Variants in CD247 observed in about 807,000 individuals in gnomAD.
The protein encoded by CD247 is T-cell surface glycoprotein CD3 zeta chain.
A neutral mutation model predicts 30.0 loss-of-function variants in CD247; 13 were observed. That is an observed-to-expected ratio of 0.43 (90% CI 0.28 to 0.69). The LOEUF (loss-of-function observed/expected upper bound fraction) is 0.69. Among genes scored for constraint, CD247 ranks in the 30% least tolerant of loss-of-function variants. The probability of loss-of-function intolerance (pLI) is 0.16; values close to 1 mark genes in which losing one functional copy is unlikely to be tolerated. For missense variants in CD247, 193 were observed against 212.6 expected, an observed-to-expected ratio of 0.91 and a Z score of 0.57; for synonymous variants, 72 against 80.0, an observed-to-expected ratio of 0.90 and a Z score of 0.53.
Position 167,431,602 on chromosome 1 carries a change from G to A in CD247, c.*79C>T. On this transcript the variant is annotated 3_prime_UTR_variant, in exon 8 of 8. Transcript: ENST00000362089. ...TTCAGTGGCTGAGAAGAGTGAACCGGGTTGTAAATGCTTCATCCTGTGTCT... is the reference window on the plus strand; with the variant it reads ...TTCAGTGGCTGAGAAGAGTGAACCGAGTTGTAAATGCTTCATCCTGTGTCT... 8.6e-7 allele frequency: 1 copy of A among 1,158,314 alleles called. No homozygotes were observed. The highest frequency in any genetic ancestry group is 1.3e-6 in the Non-Finnish European group (1 of 763,518). The allele number at this position is 1,158,314 out of a possible 1,614,324, so 71.8% of individuals were successfully genotyped here.
chr1:167,483,482 G>T (rs1208465264), intron 1 of CD247, among the ~76,000 whole-genome samples: 1 of 152,070 alleles, frequency 6.6e-6, no homozygotes, highest in Non-Finnish European at 1.5e-5. Flanking sequence ...ATTCATGCTA[G>T]TTTTTCCCAC....
At chr1:167,500,104 T>A (rs934290545) in intron 1 of CD247, among the ~76,000 whole-genome samples, 1 of 152,188 alleles carries the variant, frequency 6.6e-6, no homozygotes, top group Admixed American at 6.5e-5. Context: ...GGAGAAATAT[T>A]CTCTATATCT....
intron 1 of CD247, among the ~76,000 whole-genome samples, chr1:167,453,893 G>A (rs1652496136): frequency 6.6e-6 from 1 of 152,186 alleles, no homozygotes. Flanking sequence ...GAGCCCAAGA[G>A]GTGGAGGCTG....
At chr1:167,493,037 CTTTTTTT>C (rs60850667) in intron 1 of CD247, among the ~76,000 whole-genome samples, 3 of 80,366 alleles carry the variant, frequency 3.7e-5, no homozygotes, top group African/African-American at 5.2e-5. Flanking sequence ...AATTTTTCTC[CTTTTTTT>C]TTTTTTTTTT....
chr1:167,471,908 C>T (rs1423168449), intron 1 of CD247, among the ~76,000 whole-genome samples: 1 of 146,598 alleles, frequency 6.8e-6, no homozygotes, highest in Non-Finnish European at 1.5e-5. Context: ...TCTCGGCTCA[C>T]TGCAACTTCT....
intron 3 of CD247, among the ~76,000 whole-genome samples, chr1:167,439,082 C>T (rs1202296183): frequency 6.6e-6 from 1 of 152,144 alleles, no homozygotes; most frequent in African/African-American, 2.4e-5. Context: ...CTTGGGGGCT[C>T]ACTAGTGGCA....
rs142304874 is a variant in CD247, at chr1:167,443,857, G to A, written c.59-3090C>T. Among the ~76,000 whole-genome samples, 12 of 152,258 alleles carry A rather than the reference G, an allele frequency of 7.9e-5. No individual in the cohort carries two copies. The South Asian group carries it at 8.3e-4, about 11-fold the overall frequency. ...CCCTGTGTAGGACCCTCCTCTCCTCGGTCCCACTATACCTGTGCTGGGAGA... is the reference window on the plus strand; with the variant it reads ...CCCTGTGTAGGACCCTCCTCTCCTCAGTCCCACTATACCTGTGCTGGGAGA... On this transcript the variant is annotated intron_variant, in intron 1 of 7. Transcript: ENST00000362089.
chr1:167,495,215 C>T (rs541328149), intron 1 of CD247, among the ~76,000 whole-genome samples: 6 of 152,242 alleles, frequency 3.9e-5, no homozygotes, highest in African/African-American at 1.2e-4. Context: ...ATGTGGTCTA[C>T]GATATGTTAC....
intron 4 of CD247, among the ~76,000 whole-genome samples, chr1:167,436,792 G>C (rs1651561888): frequency 6.6e-6 from 1 of 152,120 alleles, no homozygotes; most frequent in Non-Finnish European, 1.5e-5. Context: ...CCTCACACTT[G>C]TTAGGGTGCG....
At chr1:167,458,949 C>A (rs1255506021) in intron 1 of CD247, among the ~76,000 whole-genome samples, 6 of 150,854 alleles carry the variant, frequency 4.0e-5, no homozygotes, top group African/African-American at 1.5e-4. Context: ...ATGGTGAAAC[C>A]CCGTCTCTAC....
chr1:167,440,966 C>T lies in CD247; in HGVS notation c.59-199G>A, dbSNP rs74121912. Among the ~76,000 whole-genome samples, 2,641 of 152,264 alleles carry T rather than the reference C, an allele frequency of 0.017. 78 individuals are homozygous for T. Among genetic ancestry groups the T allele is most frequent in the African/African-American group, 0.06 (2,508 of 41,544 alleles). The stretch of plus-strand genomic sequence containing the variant: ...CTCCTGGAAAACCTATTGGCACCAA[C>T]GGCAGATGTGGCCGCTGTGGGGCCA... On this transcript the variant is annotated intron_variant, in intron 1 of 7. Transcript: ENST00000362089.
intron 1 of CD247, among the ~76,000 whole-genome samples, chr1:167,499,350 C>T (rs1445389931): frequency 6.6e-6 from 1 of 152,162 alleles, no homozygotes. Context: ...TCCAAGCATT[C>T]GATCAAGAGG....
chr1:167,434,037 T>A lies in CD247; in HGVS notation c.376A>T (p.Ile126Phe). The part of the protein sequence containing the change: ...KDKMAEAYSE[I>F]GMKGERRRGK... Reference sequence around the variant, plus strand: ...ACACTCACCTCGCCTTTCATCCCAATCTCACTGTAGGCCTCCGCCATCTTA... The same window carrying A: ...ACACTCACCTCGCCTTTCATCCCAAACTCACTGTAGGCCTCCGCCATCTTA... The change falls in exon 6 of 8, where the codon ATT becomes TTT. Residue 126 changes from isoleucine to phenylalanine, a missense_variant. Coordinates refer to ENST00000362089, the MANE Select transcript of CD247 (RefSeq NM_198053.3). 1 of 1,614,102 alleles carries A rather than the reference T, an allele frequency of 6.2e-7. No individual in the cohort carries two copies. The highest frequency in any genetic ancestry group is 8.5e-7 in the Non-Finnish European group (1 of 1,179,938).
At chr1:167,481,774 G>C (rs931353723) in intron 1 of CD247, among the ~76,000 whole-genome samples, 1 of 152,136 alleles carries the variant, frequency 6.6e-6, no homozygotes, top group Non-Finnish European at 1.5e-5. Context: ...GGGGTGGGGC[G>C]GTCACAGGAC....
At position 167,495,685 on chromosome 1, in the gene CD247, T is replaced by C. The variant is rs578124011; in HGVS notation, c.58+22723A>G. 1.3e-4 allele frequency among the ~76,000 whole-genome samples: 20 copies of C among 151,754 alleles called. 1 individual carries two copies. The South Asian group carries it at 4.1e-3, about 31-fold the overall frequency. On this transcript the variant is annotated intron_variant, in intron 1 of 7. Transcript: ENST00000362089. Reference sequence around the variant, plus strand: ...CACTCTCTCCCCAAACCCCCAGAACTCAATACGTCTGACCTCACCTCCTAC... The same window carrying C: ...CACTCTCTCCCCAAACCCCCAGAACCCAATACGTCTGACCTCACCTCCTAC...
intron 1 of CD247, among the ~76,000 whole-genome samples, chr1:167,455,577 G>T (rs1433033330): frequency 6.6e-6 from 1 of 152,166 alleles, no homozygotes; most frequent in Non-Finnish European, 1.5e-5. Context: ...CCCCCAGCTG[G>T]CTCCTCGCTC....
intron 1 of CD247, among the ~76,000 whole-genome samples, chr1:167,476,286 C>G (rs927614349): frequency 1.3e-5 from 2 of 152,148 alleles, no homozygotes; most frequent in Non-Finnish European, 2.9e-5. Context: ...CTCTGGTACA[C>G]CAGGCCCAGG....
intron 1 of CD247, among the ~76,000 whole-genome samples, chr1:167,479,302 A>C (rs1653873432): frequency 6.6e-6 from 1 of 152,248 alleles, no homozygotes; most frequent in South Asian, 2.1e-4. Flanking sequence ...AGTTTTCTAA[A>C]TTACATGTGC....
chr1:167,440,500 T>G (rs1266812770), intron 2 of CD247, 164 bp downstream of exon 2: 4 of 670,488 alleles, frequency 6.0e-6, no homozygotes, highest in African/African-American at 5.3e-5. Context: ...TGCCACCTCC[T>G]CCTCAGCCCA....
Sources: gnomAD v4.1 joint callset for allele counts (sites outside exome capture counted in the v4.1 genomes callset) on GRCh38, gnomAD v4.1.1 for gene constraint, MANE v1.5 for transcripts, NCBI Gene and HGNC (gene_info 2026-07-23, HGNC 2026-07-21) for gene names.